The following FABP12 variants were observed in gnomAD, a reference collection of about 807,000 sequenced individuals.
FABP12 encodes fatty acid binding protein 12, also known as fatty acid-binding protein 12.
FABP12 carries 19 observed loss-of-function variants against 13.7 expected under a neutral mutation model. The observed-to-expected ratio is 1.39, with a 90% CI of 0.97 to 2.04. The LOEUF is 2.04. FABP12 is among the 30% of genes most tolerant of loss of function. FABP12 has a pLI of 0.00. For missense variants in FABP12, 182 were observed against 164.2 expected, an observed-to-expected ratio of 1.11 and a Z score of -0.59; for synonymous variants, 61 against 57.0, an observed-to-expected ratio of 1.07 and a Z score of -0.32.
At chr8:81,542,323 G>C (rs1188793362) in intron 1 of FABP12, among the ~76,000 whole-genome samples, 1 of 152,246 alleles carries the variant, frequency 6.6e-6, no homozygotes, top group East Asian at 1.9e-4. Flanking sequence ...AGCCTGGGGG[G>C]GTTCTTGCTT....
chr8:81,531,058 A>G (rs1809060471), intron 2 of FABP12, among the ~76,000 whole-genome samples, 185 bp downstream of exon 2: 1 of 152,186 alleles, frequency 6.6e-6, no homozygotes, highest in South Asian at 2.1e-4. Flanking sequence ...AACTTATATG[A>G]GAGATTATTG....
At chr8:81,529,718 A>T in intron 2 of FABP12, 108 bp from the exon 3 acceptor site, 1 of 1,010,200 alleles carries the variant, frequency 9.9e-7, no homozygotes, top group Non-Finnish European at 1.4e-6. Context: ...ACTCAACATT[A>T]TCTGTATAAT....
At chr8:81,579,884 T>A (rs1002674873) in intron 1 of FABP12, among the ~76,000 whole-genome samples, 11 of 152,240 alleles carry the variant, frequency 7.2e-5, no homozygotes, top group Admixed American at 7.2e-4. Flanking sequence ...TTTATTCTCT[T>A]TCTTTTTTAC....
At chr8:81,587,820 G>A (rs114211653) in intron 1 of FABP12, among the ~76,000 whole-genome samples, 1 of 152,022 alleles carries the variant, frequency 6.6e-6, no homozygotes, top group African/African-American at 2.4e-5. Flanking sequence ...TGTTGACTCA[G>A]GCAATCACAA....
At chr8:81,583,037 G>T (rs1453000042) in intron 1 of FABP12, among the ~76,000 whole-genome samples, 1 of 152,000 alleles carries the variant, frequency 6.6e-6, no homozygotes, top group Non-Finnish European at 1.5e-5. Flanking sequence ...AACTAGAAAT[G>T]CATAAAAAGA....
intron 1 of FABP12, among the ~76,000 whole-genome samples, chr8:81,533,482 A>G (rs1424760714): frequency 5.3e-5 from 8 of 152,046 alleles, no homozygotes; most frequent in Non-Finnish European, 1.2e-4. Context: ...GAGTATATAT[A>G]TGTTCCCATT....
At chr8:81,575,481 G>A (rs970494051) in intron 1 of FABP12, among the ~76,000 whole-genome samples, 3 of 152,096 alleles carry the variant, frequency 2.0e-5, no homozygotes, top group African/African-American at 7.2e-5. Context: ...TTTGTTCCAA[G>A]GTATAGTTAA....
chr8:81,583,256 A>C (rs894816038), intron 1 of FABP12, among the ~76,000 whole-genome samples: 7 of 152,064 alleles, frequency 4.6e-5, no homozygotes, highest in South Asian at 2.1e-4. Context: ...AAAAAGTAGA[A>C]ATATTTCAAA....
At chr8:81,565,158 A>T (rs922896026) in intron 1 of FABP12, among the ~76,000 whole-genome samples, 2 of 152,020 alleles carry the variant, frequency 1.3e-5, no homozygotes, top group African/African-American at 4.8e-5. Context: ...TATATATGCA[A>T]CCAACACTGA....
chr8:81,555,014 T>C (rs889681988), intron 1 of FABP12, among the ~76,000 whole-genome samples: 2 of 152,044 alleles, frequency 1.3e-5, no homozygotes, highest in Admixed American at 1.3e-4. Flanking sequence ...GCACACACTT[T>C]CATGTTTTCT....
At chr8:81,547,937 A>T (rs1015995370) in intron 1 of FABP12, among the ~76,000 whole-genome samples, 2 of 152,258 alleles carry the variant, frequency 1.3e-5, no homozygotes, top group South Asian at 4.1e-4. Flanking sequence ...GGACTTTTAC[A>T]GAATTCATAC....
chr8:81,545,135 C>T (rs1183983759), intron 1 of FABP12, among the ~76,000 whole-genome samples: 2 of 152,160 alleles, frequency 1.3e-5, no homozygotes, highest in African/African-American at 4.8e-5. Context: ...ATTCTCCTGC[C>T]TCAGCCTCCC....
chr8:81,537,255 AAATT>A (rs2129975651), upstream of FABP12, among the ~76,000 whole-genome samples: 1 of 152,324 alleles, frequency 6.6e-6, no homozygotes, highest in South Asian at 2.1e-4. Flanking sequence ...CGAGAATCAA[AAATT>A]AATTGTGTAA....
At chr8:81,569,679 G>A (rs1412668390) in intron 1 of FABP12, among the ~76,000 whole-genome samples, 2 of 152,194 alleles carry the variant, frequency 1.3e-5, no homozygotes, top group Non-Finnish European at 2.9e-5. Flanking sequence ...AGCCCCCTCA[G>A]AGGGCCCAAT....
chr8:81,551,443 C>G (rs914194978), intron 1 of FABP12, among the ~76,000 whole-genome samples: 2 of 152,090 alleles, frequency 1.3e-5, no homozygotes, highest in African/African-American at 2.4e-5. Flanking sequence ...AAGAAGCATT[C>G]TGTGCTAATC....
intron 1 of FABP12, among the ~76,000 whole-genome samples, chr8:81,567,266 C>G (rs1160322495): frequency 2.0e-5 from 3 of 151,914 alleles, no homozygotes; most frequent in Admixed American, 1.3e-4. Flanking sequence ...CAATACAGTC[C>G]CTATCAAAAT....
chr8:81,537,245 C>T (rs897802576), upstream of FABP12, among the ~76,000 whole-genome samples: 9 of 151,924 alleles, frequency 5.9e-5, no homozygotes, highest in East Asian at 3.9e-4. Flanking sequence ...CAGAAAGATA[C>T]GAGAATCAAA....
In FABP12 at chr8:81,529,489, A is replaced by C. The variant is rs191197423; in HGVS notation, c.195T>G (p.Phe65Leu). Residue 65 changes from phenylalanine to leucine, a missense_variant, in exon 3 of 5, where the codon TTT becomes TTG. Coordinates refer to ENST00000360464, the Ensembl canonical transcript of FABP12. ...TTTCCTCAAACTCTTCTCCCAGCTT[A>C]AAGGAGATCTCATTATTTTTAAAGA... is the stretch of plus-strand genomic sequence containing the variant. 526 of 1,613,976 alleles carry C rather than the reference A, an allele frequency of 3.3e-4. 1 individual carries two copies. The African/African-American group carries it at 6.2e-3, about 19-fold the overall frequency.
intron 3 of FABP12, among the ~76,000 whole-genome samples, chr8:81,527,541 T>G (rs1439903316): frequency 6.6e-6 from 1 of 152,042 alleles, no homozygotes; most frequent in East Asian, 1.9e-4. Context: ...TTTTGTATTT[T>G]TAGTAAAGAC....
Sources: gnomAD v4.1 joint callset for allele counts (sites outside exome capture counted in the v4.1 genomes callset) on GRCh38, gnomAD v4.1.1 for gene constraint, MANE v1.5 for transcripts, NCBI Gene and HGNC (gene_info 2026-07-23, HGNC 2026-07-21) for gene names.